TF: variants seen among roughly 807,000 people sequenced by gnomAD.
TF encodes transferrin.
TF carries 55 observed loss-of-function variants against 82.4 expected under a neutral mutation model. That is an observed-to-expected ratio of 0.67 (90% confidence interval 0.54 to 0.84). The LOEUF is 0.84. TF is among the 40% of genes least tolerant of loss of function. TF has a pLI of 0.00. For synonymous variants in TF, 332 were observed against 332.6 expected (o/e 1.00, Z 0.02); for missense variants, 737 against 868.4 (o/e 0.85, Z 1.90).
chr3:133,695,245 CTTTTT>C, the TF span, among the ~76,000 whole-genome samples: 1 of 100,344 alleles, frequency 1.0e-5, no homozygotes. Context: ...GGAGCTGGTT[CTTTTT>C]TTTTTTTTTT....
At chr3:133,695,699 C>T in the TF span, among the ~76,000 whole-genome samples, 1 of 152,144 alleles carries the variant, frequency 6.6e-6, no homozygotes, top group Non-Finnish European at 1.5e-5. Flanking sequence ...CCCCCTTATC[C>T]ACAGTATCAC....
the TF span, among the ~76,000 whole-genome samples, chr3:133,666,896 C>G: frequency 3.9e-5 from 6 of 152,006 alleles, no homozygotes; most frequent in African/African-American, 1.4e-4. Context: ...ATTAGCCAGG[C>G]GTGGTGGCGG....
At chr3:133,770,164 A>G (rs1417448232) in intron 13 of TF, among the ~76,000 whole-genome samples, 1 of 152,188 alleles carries the variant, frequency 6.6e-6, no homozygotes, top group African/African-American at 2.4e-5. Flanking sequence ...CTTGTATGAG[A>G]ACCTGAAGGA....
chr3:133,673,079 T>G, the TF span, among the ~76,000 whole-genome samples: 3 of 152,230 alleles, frequency 2.0e-5, no homozygotes, highest in African/African-American at 7.2e-5. Context: ...TACTCAATTT[T>G]GTATTAATAG....
At chr3:133,713,835 G>C in the TF span, among the ~76,000 whole-genome samples, 4 of 152,208 alleles carry the variant, frequency 2.6e-5, no homozygotes, top group Non-Finnish European at 4.4e-5. Context: ...TGAGGTCCTT[G>C]GTGGGGTATG....
chr3:133,683,866 CA>C, the TF span, among the ~76,000 whole-genome samples: 1 of 152,222 alleles, frequency 6.6e-6, no homozygotes, highest in Admixed American at 6.5e-5. Context: ...TAGACATCTA[CA>C]GAACTCTCCA....
the TF span, among the ~76,000 whole-genome samples, chr3:133,667,065 G>C: frequency 1.3e-5 from 2 of 151,806 alleles, no homozygotes; most frequent in Admixed American, 6.6e-5. Context: ...AATCCAGGCC[G>C]GATGCAGTGG....
chr3:133,680,111 C>A, the TF span, among the ~76,000 whole-genome samples: 2 of 151,856 alleles, frequency 1.3e-5, no homozygotes, highest in Admixed American at 6.6e-5. Context: ...CATATATAGT[C>A]TTTTATGATG....
the TF span, among the ~76,000 whole-genome samples, chr3:133,729,829 A>G: frequency 9.9e-5 from 15 of 151,840 alleles, no homozygotes; most frequent in Admixed American, 9.8e-4. Flanking sequence ...GTTCTTTTAT[A>G]TGATATCTCT....
At chr3:133,683,945 GT>G in the TF span, among the ~76,000 whole-genome samples, 1 of 152,164 alleles carries the variant, frequency 6.6e-6, no homozygotes, top group African/African-American at 2.4e-5. Context: ...TGACCACATA[GT>G]TGGAAGTAAA....
At chr3:133,728,046 C>T in the TF span, among the ~76,000 whole-genome samples, 1 of 152,232 alleles carries the variant, frequency 6.6e-6, no homozygotes, top group Non-Finnish European at 1.5e-5. Context: ...ACGGGCTTCC[C>T]TTTGTGGGTA....
At chr3:133,692,359 C>T in the TF span, among the ~76,000 whole-genome samples, 1 of 152,214 alleles carries the variant, frequency 6.6e-6, no homozygotes, top group Non-Finnish European at 1.5e-5. Context: ...TGGCATATTC[C>T]TGGGACTCCT....
intron 15 of TF, 66 bp downstream of exon 15, chr3:133,775,683 T>A: frequency 2.0e-6 from 3 of 1,537,344 alleles, no homozygotes; most frequent in Non-Finnish European, 2.7e-6. Flanking sequence ...GGGGGGAGTT[T>A]ACAACAAAGT....
the TF span, among the ~76,000 whole-genome samples, chr3:133,674,051 G>T: frequency 6.6e-6 from 1 of 152,158 alleles, no homozygotes; most frequent in Non-Finnish European, 1.5e-5. Context: ...TTCTCTCGAT[G>T]GAGACCCATT....
chr3:133,751,272 G>A (rs1020789589), intron 2 of TF, among the ~76,000 whole-genome samples: 26 of 125,990 alleles, frequency 2.1e-4, no homozygotes, highest in South Asian at 5.0e-4. Context: ...TCGCTCTGTC[G>A]CCCAGGCTGG....
chr3:133,695,583 A>T, the TF span, among the ~76,000 whole-genome samples: 1 of 152,212 alleles, frequency 6.6e-6, no homozygotes, highest in Admixed American at 6.5e-5. Flanking sequence ...TTAATTTGTT[A>T]TAAGACCCAG....
the TF span, among the ~76,000 whole-genome samples, chr3:133,738,672 G>A: frequency 2.6e-5 from 4 of 152,088 alleles, no homozygotes; most frequent in Non-Finnish European, 1.5e-5. Context: ...ACCAATAACA[G>A]ACAAACAGAG....
chr3:133,707,411 CT>C, the TF span: 1 of 152,352 alleles, frequency 6.6e-6, no homozygotes, highest in Non-Finnish European at 1.5e-5. Flanking sequence ...TTCTGCACTA[CT>C]GCTGGAAAGC....
intron 3 of TF, chr3:133,754,193 T>C: frequency 2.2e-6 from 1 of 448,080 alleles, no homozygotes; most frequent in Non-Finnish European, 4.1e-6. Context: ...TCCTGGTGGC[T>C]GAGGTTGGTA....
Sources: gnomAD v4.1 joint callset for allele counts (sites outside exome capture counted in the v4.1 genomes callset) on GRCh38, gnomAD v4.1.1 for gene constraint, MANE v1.5 for transcripts, NCBI Gene and HGNC (gene_info 2026-07-23, HGNC 2026-07-21) for gene names.